CUX2: variants seen among roughly 807,000 people sequenced by gnomAD.
CUX2 encodes the protein cut like homeobox 2, also known as homeobox protein cut-like 2.
Under a neutral mutation model 144.8 loss-of-function variants are expected in CUX2, and 40 were observed. The observed-to-expected ratio is 0.28, with a 90% CI of 0.21 to 0.36. The LOEUF (loss-of-function observed/expected upper bound fraction) is 0.36. CUX2 is among the 10% of genes least tolerant of loss of function. The pLI is 1.00. For missense variants in CUX2, 1,615 were observed against 1,994.0 expected (o/e 0.81, Z 3.62); for synonymous variants, 827 against 875.6 (o/e 0.94, Z 0.98).
At chr12:111,217,806 AG>A in intron 2 of CUX2, 83 bp from the exon 3 acceptor site, 6 of 1,406,010 alleles carry the variant, frequency 4.3e-6, no homozygotes, top group Non-Finnish European at 6.0e-6. Context: ...ATGCTGAGCC[AG>A]GGACAGCAGC....
rs1447926084 is a variant in CUX2, at chr12:111,216,727, T to TAG, written c.175-1163_175-1162insAG. On this transcript the variant is annotated intron_variant, in intron 2 of 21. Coordinates refer to ENST00000261726, the MANE Select transcript of CUX2 (RefSeq NM_015267.4). ...GGCTCAGCCTCGCACCCATGGCCCC[T>TAG]TATGGTCAAGTCTACTAGGACTGTG... 2.0e-5 allele frequency among the ~76,000 whole-genome samples: 3 copies of TAG among 152,182 alleles called. No homozygotes were observed. In the East Asian group the frequency reaches 5.8e-4, roughly 29 times the overall value.
intron 4 of CUX2, among the ~76,000 whole-genome samples, chr12:111,274,961 A>C (rs1884793818): frequency 6.6e-6 from 1 of 151,928 alleles, no homozygotes; most frequent in Non-Finnish European, 1.5e-5. Context: ...CAAAAAAAAA[A>C]AACAAAAAAA....
At chr12:111,156,968 A>T (rs1203576928) in intron 1 of CUX2, among the ~76,000 whole-genome samples, 2 of 145,796 alleles carry the variant, frequency 1.4e-5, no homozygotes, top group African/African-American at 5.2e-5. Flanking sequence ...CCTGGGCAAT[A>T]AGAGCAAAAC....
At chr12:111,170,845 G>T (rs964995776) in intron 1 of CUX2, among the ~76,000 whole-genome samples, 1 of 152,068 alleles carries the variant, frequency 6.6e-6, no homozygotes, top group Non-Finnish European at 1.5e-5. Context: ...CCCTGACCTC[G>T]GGCCCAGCGT....
chr12:111,162,660 A>G (rs868364977), intron 1 of CUX2, among the ~76,000 whole-genome samples: 1 of 152,230 alleles, frequency 6.6e-6, no homozygotes, highest in Non-Finnish European at 1.5e-5. Context: ...TCTTGAACCC[A>G]TAATTGGAAA....
At chr12:111,091,369 C>T (rs909463190) in intron 1 of CUX2, among the ~76,000 whole-genome samples, 2 of 152,182 alleles carry the variant, frequency 1.3e-5, no homozygotes, top group Non-Finnish European at 2.9e-5. Flanking sequence ...CCGGAGGAGA[C>T]ACAGCTGGGG....
intron 1 of CUX2, among the ~76,000 whole-genome samples, chr12:111,088,574 C>T (rs1019150594): frequency 4.6e-5 from 7 of 152,234 alleles, no homozygotes; most frequent in East Asian, 1.9e-4. Context: ...TACGATGTGA[C>T]GCTTTAACTC....
chr12:111,187,495 A>G (rs1404681106), intron 1 of CUX2, among the ~76,000 whole-genome samples: 1 of 151,020 alleles, frequency 6.6e-6, no homozygotes, highest in Non-Finnish European at 1.5e-5. Context: ...TCCCTGCTTG[A>G]GTGTCCTCCC....
At position 111,310,258 on chromosome 12, in the gene CUX2, GC is replaced by G; in HGVS notation, c.1481del (p.Pro494GlnfsTer69). The G allele has an allele frequency of 1.3e-6, 2 of 1,506,596 alleles. No homozygotes were observed. Among genetic ancestry groups the G allele is most frequent in the Non-Finnish European group, 1.8e-6 (2 of 1,126,992 alleles). 93.3% of individuals were successfully genotyped at this position (1,506,596 alleles called of 1,614,324 possible). On this transcript the variant is annotated frameshift_variant, in exon 15 of 22. Coordinates refer to ENST00000261726, the MANE Select transcript of CUX2 (RefSeq NM_015267.4). LOFTEE classifies it high-confidence loss of function. The surrounding 1 kb of genome is among the most constrained non-coding windows in gnomAD (Gnocchi z 7.9). ...SLASGERLMM[P>X]PAAFKGEAGG... Reference sequence around the variant, plus strand: ...TGGCATCAGGGGAGAGACTGATGATGCCCCCAGCCGCCTTCAAGGGAGAGGC... The same window carrying G: ...TGGCATCAGGGGAGAGACTGATGATGCCCCAGCCGCCTTCAAGGGAGAGGC...
At chr12:111,340,805 C>T (rs1474829980) in intron 20 of CUX2, among the ~76,000 whole-genome samples, 1 of 152,142 alleles carries the variant, frequency 6.6e-6, no homozygotes, top group South Asian at 2.1e-4. Context: ...GGGGTTTTTA[C>T]CTTTCTCAAC....
intron 1 of CUX2, among the ~76,000 whole-genome samples, chr12:111,129,786 T>C (rs1228554682): frequency 6.6e-6 from 1 of 152,198 alleles, no homozygotes; most frequent in Non-Finnish European, 1.5e-5. Context: ...CCCACCATAA[T>C]AGCACTCACT....
chr12:111,070,651 G>A (rs1425022842), intron 1 of CUX2, among the ~76,000 whole-genome samples: 1 of 152,002 alleles, frequency 6.6e-6, no homozygotes, highest in African/African-American at 2.4e-5. Flanking sequence ...TTCATTCTTG[G>A]TGTGGTATGT....
chr12:111,325,634 G>C (rs1423777629), intron 18 of CUX2, among the ~76,000 whole-genome samples: 2 of 146,806 alleles, frequency 1.4e-5, no homozygotes, highest in African/African-American at 5.1e-5. Flanking sequence ...TGGTGGGGAG[G>C]GGTGGGTTTT....
rs1220604902 is a variant in CUX2, at chr12:111,312,213, C to T, written c.2002+12C>T. On this transcript the variant is annotated intron_variant, in intron 16 of 21. Coordinates refer to ENST00000261726, the MANE Select transcript of CUX2 (RefSeq NM_015267.4). This position sits in a 1 kb window ranked among gnomAD's most constrained non-coding sequence, Gnocchi z 4.3. ...GTCGCAGAAGGGCGGTGAGTGTGAC[C>T]CCTGCAGGCAAAGCCTGAGGCCCCC... 3 of 1,595,310 alleles carry T rather than the reference C, an allele frequency of 1.9e-6. No individual in the cohort carries two copies. The East Asian group carries it at 6.8e-5, about 36-fold the overall frequency.
chr12:111,062,290 G>A lies in CUX2; in HGVS notation c.63+28050G>A, dbSNP rs1293453120. On this transcript the variant is annotated intron_variant, in intron 1 of 21. Coordinates refer to ENST00000261726, the MANE Select transcript of CUX2 (RefSeq NM_015267.4). ...ACACGCTCTCTCATCTACACCAAAG[G>A]GAGTGCACAGGGCTGTCCTCCTGGT... Among the ~76,000 whole-genome samples, 4 of 152,326 alleles carry A rather than the reference G, an allele frequency of 2.6e-5. No homozygotes were observed. The East Asian group carries it at 7.7e-4, about 29-fold the overall frequency.
chr12:111,256,228 GC>G (rs1366371662), intron 3 of CUX2, among the ~76,000 whole-genome samples: 1 of 151,036 alleles, frequency 6.6e-6, no homozygotes, highest in African/African-American at 2.4e-5. Context: ...TCTTCTCTGA[GC>G]CCCCCTCGTA....
At chr12:111,132,254 G>A (rs1875535868) in intron 1 of CUX2, among the ~76,000 whole-genome samples, 1 of 152,208 alleles carries the variant, frequency 6.6e-6, no homozygotes, top group African/African-American at 2.4e-5. Flanking sequence ...TTCAGCCATG[G>A]CTGGAGCAGC....
chr12:111,127,364 C>A (rs73413573), intron 1 of CUX2, among the ~76,000 whole-genome samples: 2,247 of 152,280 alleles, frequency 0.015, 50 homozygotes, highest in African/African-American at 0.05. Flanking sequence ...TTCCATTGAC[C>A]TTAGTTTGTC....
intron 1 of CUX2, among the ~76,000 whole-genome samples, chr12:111,167,877 A>G (rs1019621963): frequency 1.3e-5 from 2 of 152,010 alleles, no homozygotes; most frequent in South Asian, 2.1e-4. Flanking sequence ...GTATTTTTGT[A>G]GAGAAGGGGT....
Sources: gnomAD v4.1 joint callset for allele counts (sites outside exome capture counted in the v4.1 genomes callset) on GRCh38, gnomAD v4.1.1 for gene constraint, Gnocchi (gnomAD v3.1) non-coding constraint, MANE v1.5 for transcripts, NCBI Gene and HGNC (gene_info 2026-07-23, HGNC 2026-07-21) for gene names.